Variants in LGSN observed in about 807,000 individuals in gnomAD.
LGSN encodes the protein lengsin.
A neutral mutation model predicts 19.5 loss-of-function variants in LGSN; 21 were observed. That is an observed-to-expected ratio of 1.07 (90% CI 0.76 to 1.55). The LOEUF is 1.55. Among genes scored for constraint, LGSN ranks in the 40% most tolerant of loss-of-function variants. The pLI, the probability that LGSN is intolerant of heterozygous loss-of-function variation, is 0.00. For synonymous variants in LGSN, 257 were observed against 215.6 expected (o/e 1.19, Z -1.68); for missense variants, 673 against 608.5 (o/e 1.11, Z -1.12).
chr6:63,375,785 T>G, the LGSN span, among the ~76,000 whole-genome samples: 1 of 152,144 alleles, frequency 6.6e-6, no homozygotes, highest in East Asian at 1.9e-4. Context: ...TGTTAGGAAG[T>G]GAGTAGAAAA....
the LGSN span, among the ~76,000 whole-genome samples, chr6:63,418,636 G>C: frequency 6.6e-6 from 1 of 152,170 alleles, no homozygotes; most frequent in Non-Finnish European, 1.5e-5. Flanking sequence ...GACTGGCTAG[G>C]AACCTCAGGA....
the LGSN span, among the ~76,000 whole-genome samples, chr6:63,505,170 C>T: frequency 1.4e-5 from 2 of 144,050 alleles, no homozygotes; most frequent in Non-Finnish European, 3.0e-5. Flanking sequence ...TAGTAACTTG[C>T]TTTTTTTTTT....
the LGSN span, among the ~76,000 whole-genome samples, chr6:63,482,075 A>G: frequency 6.6e-6 from 1 of 152,216 alleles, no homozygotes; most frequent in African/African-American, 2.4e-5. Context: ...TAGTAATTCA[A>G]CAGAACTCCA....
the LGSN span, among the ~76,000 whole-genome samples, chr6:63,533,735 T>C: frequency 1.3e-5 from 2 of 152,140 alleles, no homozygotes; most frequent in African/African-American, 4.8e-5. Context: ...GCATATAGAC[T>C]AATGAGCAAT....
the LGSN span, among the ~76,000 whole-genome samples, chr6:63,344,656 G>T: frequency 6.6e-6 from 1 of 152,040 alleles, no homozygotes; most frequent in East Asian, 1.9e-4. Context: ...TGCCTGGTGG[G>T]TCTGAATGTA....
chr6:63,527,654 A>G, the LGSN span, among the ~76,000 whole-genome samples: 1 of 152,204 alleles, frequency 6.6e-6, no homozygotes, highest in Non-Finnish European at 1.5e-5. Flanking sequence ...AGACTCTGAG[A>G]ACTTAAGTAA....
At chr6:63,529,186 T>C in the LGSN span, among the ~76,000 whole-genome samples, 1 of 147,128 alleles carries the variant, frequency 6.8e-6, no homozygotes, top group Non-Finnish European at 1.5e-5. Flanking sequence ...TGTATATATA[T>C]GTGTGTATAT....
the LGSN span, among the ~76,000 whole-genome samples, chr6:63,483,013 A>G: frequency 6.6e-6 from 1 of 152,128 alleles, no homozygotes; most frequent in African/African-American, 2.4e-5. Context: ...TTCTTTCAAC[A>G]AATAATCTTT....
At chr6:63,478,297 G>A in the LGSN span, among the ~76,000 whole-genome samples, 5 of 152,270 alleles carry the variant, frequency 3.3e-5, no homozygotes, top group South Asian at 1.0e-3. Context: ...ATGTATAAAT[G>A]GGTAATAGAC....
At chr6:63,482,283 TC>T in the LGSN span, among the ~76,000 whole-genome samples, 1,792 of 152,308 alleles carry the variant, frequency 0.012, 25 homozygotes, top group African/African-American at 0.033. Flanking sequence ...ATAGAGCAAT[TC>T]CTGGCACATG....
the LGSN span, among the ~76,000 whole-genome samples, chr6:63,437,648 A>T: frequency 6.6e-6 from 1 of 152,202 alleles, no homozygotes; most frequent in African/African-American, 2.4e-5. Flanking sequence ...AAGAATTAGT[A>T]CAGGCTGGGC....
the LGSN span, among the ~76,000 whole-genome samples, chr6:63,453,714 C>T: frequency 6.6e-5 from 10 of 152,108 alleles, no homozygotes; most frequent in African/African-American, 2.2e-4. Flanking sequence ...AGTGCAGTGG[C>T]GGGATCTCGG....
chr6:63,429,602 C>G, the LGSN span, among the ~76,000 whole-genome samples: 2,261 of 151,888 alleles, frequency 0.015, 46 homozygotes, highest in African/African-American at 0.052. Flanking sequence ...CGAGTGTGGT[C>G]GCGGGCGCCT....
chr6:63,434,658 G>A, the LGSN span, among the ~76,000 whole-genome samples: 11 of 147,944 alleles, frequency 7.4e-5, no homozygotes, highest in East Asian at 1.6e-3. Context: ...CTTTAGCAGA[G>A]AGACAAAACT....
the LGSN span, chr6:63,443,702 G>A: frequency 3.4e-6 from 1 of 295,046 alleles, no homozygotes; most frequent in African/African-American, 2.3e-5. Flanking sequence ...AATGGCTGCT[G>A]ATTGGTACTT....
rs1767264988 is a variant in LGSN, at chr6:63,280,625, C to CA, written c.925dup (p.Cys309LeufsTer2). 6.2e-7 allele frequency: 1 copy of CA among 1,614,078 alleles called. No homozygotes were observed. Among genetic ancestry groups the CA allele is most frequent in the Non-Finnish European group, 8.5e-7 (1 of 1,180,032 alleles). Reference sequence around the variant, plus strand: ...ACTATGAGACAAAATCCCTGAATCACAAAATCCAGTCTCAATGAAGAAGCT... The same window carrying CA: ...ACTATGAGACAAAATCCCTGAATCACAAAAATCCAGTCTCAATGAAGAAGCT... On this transcript the variant is annotated frameshift_variant, in exon 4 of 4. Coordinates refer to ENST00000370657, the MANE Select transcript of LGSN (RefSeq NM_016571.3). LOFTEE classifies it low-confidence loss of function (END_TRUNC).
chr6:63,285,559 C>T (rs757549788), intron 3 of LGSN, 28 bp downstream of exon 3: 4 of 1,564,054 alleles, frequency 2.6e-6, no homozygotes, highest in East Asian at 2.3e-5. Flanking sequence ...CATGAAATTA[C>T]ATTTAGTCAC....
At chr6:63,506,021 T>C in the LGSN span, among the ~76,000 whole-genome samples, 383 of 152,306 alleles carry the variant, frequency 2.5e-3, 3 homozygotes, top group African/African-American at 8.7e-3. Context: ...AATGTTAAAC[T>C]GAGGGAGGCA....
the LGSN span, among the ~76,000 whole-genome samples, chr6:63,530,895 G>A: frequency 1.3e-5 from 2 of 152,078 alleles, no homozygotes; most frequent in African/African-American, 2.4e-5. Context: ...AACTATCAGA[G>A]ATGTAATGAT....
Sources: gnomAD v4.1 joint callset for allele counts (sites outside exome capture counted in the v4.1 genomes callset) on GRCh38, gnomAD v4.1.1 for gene constraint, MANE v1.5 for transcripts, NCBI Gene and HGNC (gene_info 2026-07-23, HGNC 2026-07-21) for gene names.